The following TBC1D1 variants were observed in gnomAD, a reference collection of about 807,000 sequenced individuals.
TBC1D1 encodes TBC1 domain family member 1, also known as TBC1 (tre-2/USP6, BUB2, cdc16) domain family, member 1.
Under a neutral mutation model 125.6 loss-of-function variants are expected in TBC1D1, and 89 were observed. That is an observed-to-expected ratio of 0.71 (90% CI 0.60 to 0.85). The LOEUF (loss-of-function observed/expected upper bound fraction) is 0.85, where lower values mean the gene tolerates loss of function less well. TBC1D1 is among the 40% of genes least tolerant of loss of function. The pLI is 0.00. For missense variants in TBC1D1, 1,377 were observed against 1,469.2 expected (o/e 0.94, Z 1.03); for synonymous variants, 565 against 564.1 (o/e 1.00, Z -0.02).
intron 8 of TBC1D1, among the ~76,000 whole-genome samples, chr4:38,039,327 C>T (rs769504123): frequency 6.6e-5 from 10 of 151,730 alleles, no homozygotes; most frequent in African/African-American, 1.5e-4. Flanking sequence ...CCGTGTTAGC[C>T]GTGATGGTCT....
chr4:38,102,928 C>A, intron 14 of TBC1D1, 71 bp from the exon 17 acceptor site: 149 of 1,344,938 alleles, frequency 1.1e-4, no homozygotes, highest in South Asian at 5.7e-4. Context: ...GAACATGAAA[C>A]ACAATTCATT....
At position 38,033,740 on chromosome 4, in the gene TBC1D1, TGC is replaced by T. The variant is rs145385918; in HGVS notation, c.1303-1847_1303-1846del. ...CCTCCTCCCTAATCCTTGATCTTTT[TGC>T]TCTCTCCATAGTTTTGCCTTTTCCA... On this transcript the variant is annotated intron_variant, in intron 7 of 19. Transcript: ENST00000261439. 8.9e-3 allele frequency among the ~76,000 whole-genome samples: 1,361 copies of T among 152,320 alleles called. 19 individuals are homozygous for T. Among genetic ancestry groups the T allele is most frequent in the African/African-American group, 0.031 (1,294 of 41,552 alleles).
intron 19 of TBC1D1, among the ~76,000 whole-genome samples, chr4:38,135,013 G>C (rs139410181): frequency 2.0e-5 from 3 of 152,276 alleles, no homozygotes; most frequent in African/African-American, 7.2e-5. Flanking sequence ...GGATTGTATT[G>C]TATCGATTTG....
chr4:38,020,307 A>G (rs566130099), intron 4 of TBC1D1, among the ~76,000 whole-genome samples: 5 of 152,214 alleles, frequency 3.3e-5, no homozygotes, highest in African/African-American at 9.6e-5. Flanking sequence ...GTGAAACACC[A>G]TATCTACTAA....
intron 18 of TBC1D1, among the ~76,000 whole-genome samples, chr4:38,126,272 G>A (rs902731600): frequency 6.6e-6 from 1 of 152,128 alleles, no homozygotes; most frequent in African/African-American, 2.4e-5. Flanking sequence ...TATGCAGTTC[G>A]CCATTGACCA....
In TBC1D1 at chr4:37,895,394, C is replaced by G. The variant is rs16994041; in HGVS notation, c.-94+4046C>G. ...ATGAAGAGTATAAGAAGTGACAGTGCCATTCTAAAGGACTAGCCTTGAGTT... is the reference window on the plus strand; with the variant it reads ...ATGAAGAGTATAAGAAGTGACAGTGGCATTCTAAAGGACTAGCCTTGAGTT... On this transcript the variant is annotated intron_variant, in intron 1 of 19. Transcript: ENST00000261439. 2.5e-3 allele frequency among the ~76,000 whole-genome samples: 379 copies of G among 152,170 alleles called. 1 individual carries two copies. Among genetic ancestry groups the G allele is most frequent in the African/African-American group, 8.7e-3 (360 of 41,566 alleles).
intron 2 of TBC1D1, among the ~76,000 whole-genome samples, chr4:37,963,678 CT>C (rs1158871970): frequency 6.6e-6 from 1 of 152,146 alleles, no homozygotes; most frequent in East Asian, 1.9e-4. Flanking sequence ...CATTTATGTA[CT>C]TACGTACAAA....
intron 11 of TBC1D1, 86 bp from the exon 14 acceptor site, chr4:38,054,113 A>T: frequency 7.3e-7 from 1 of 1,371,072 alleles, no homozygotes; most frequent in Non-Finnish European, 1.0e-6. Context: ...TTGATAATTT[A>T]GTGATTTGTT....
chr4:37,893,414 G>A (rs1335474176), intron 1 of TBC1D1, among the ~76,000 whole-genome samples: 1 of 152,170 alleles, frequency 6.6e-6, no homozygotes, highest in Non-Finnish European at 1.5e-5. Flanking sequence ...AGTCTACCGT[G>A]CTGCCCTTCT....
intron 17 of TBC1D1, 105 bp from the exon 20 acceptor site, chr4:38,124,857 T>C: frequency 2.2e-6 from 2 of 895,254 alleles, no homozygotes; most frequent in Admixed American, 2.3e-5. Context: ...AATGTGGGGC[T>C]ATGTCTCCCA....
rs182368421 is a variant in TBC1D1 at position 37,927,346 on chromosome 4, A to G, written c.417+24834A>G. Among the ~76,000 whole-genome samples the G allele has an allele frequency of 1.8e-4, 27 of 152,238 alleles. 1 individual carries two copies. The highest frequency in any genetic ancestry group is 7.2e-4 in the Admixed American group (11 of 15,282). On this transcript the variant is annotated intron_variant, in intron 2 of 19. Coordinates refer to ENST00000261439, the MANE Select transcript of TBC1D1 (RefSeq NM_015173.4). ...CAATTTTTACAAAATTGATTTTACAATTCTATTTTTTTGTGTGTGCCTTGG... is the reference window on the plus strand; with the variant it reads ...CAATTTTTACAAAATTGATTTTACAGTTCTATTTTTTTGTGTGTGCCTTGG...
chr4:38,110,281 G>T, intron 15 of TBC1D1: 3 of 984,986 alleles, frequency 3.0e-6, no homozygotes, highest in Non-Finnish European at 3.6e-6. Context: ...TGAGGGGCTT[G>T]TGAAAAACAC....
intron 17 of TBC1D1, among the ~76,000 whole-genome samples, chr4:38,124,140 A>C (rs994639917): frequency 1.3e-5 from 2 of 152,158 alleles, no homozygotes; most frequent in Non-Finnish European, 2.9e-5. Flanking sequence ...TTATTATTCT[A>C]GTTATTAGGT....
At chr4:38,052,785 C>T (rs913038533) in intron 11 of TBC1D1, among the ~76,000 whole-genome samples, 2 of 148,372 alleles carry the variant, frequency 1.3e-5, no homozygotes, top group African/African-American at 4.9e-5. Flanking sequence ...TGTGTTTGAT[C>T]ATGTACACTG....
chr4:38,068,082 G>C (rs1560728655), intron 12 of TBC1D1, among the ~76,000 whole-genome samples: 3 of 152,144 alleles, frequency 2.0e-5, no homozygotes, highest in Non-Finnish European at 4.4e-5. Context: ...CTGTTCTTCT[G>C]CTTCCTCTGC....
chr4:38,052,724 GCGCGCACACACACACA>G (rs1246665313), intron 11 of TBC1D1, among the ~76,000 whole-genome samples: 3 of 60,008 alleles, frequency 5.0e-5, no homozygotes, highest in African/African-American at 1.7e-4. Context: ...GCGCGCGCGC[GCGCGCACACACACACA>G]CACACACACA....
chr4:37,999,282 G>T (rs1014755449), intron 2 of TBC1D1, among the ~76,000 whole-genome samples: 44 of 152,080 alleles, frequency 2.9e-4, no homozygotes, highest in African/African-American at 9.9e-4. Flanking sequence ...AAAGAAAGTG[G>T]AAGGGTTTTA....
At chr4:38,035,315 A>G (rs937974663) in intron 7 of TBC1D1, among the ~76,000 whole-genome samples, 3 of 152,136 alleles carry the variant, frequency 2.0e-5, no homozygotes, top group Non-Finnish European at 2.9e-5. Flanking sequence ...AAAACTATTT[A>G]TTTGTTAAAC....
chr4:38,028,739 C>T (rs922935218), intron 7 of TBC1D1, among the ~76,000 whole-genome samples: 1 of 152,206 alleles, frequency 6.6e-6, no homozygotes, highest in Non-Finnish European at 1.5e-5. Flanking sequence ...GCCTCTGGTC[C>T]GCATGTACTC....
Sources: allele counts gnomAD v4.1 joint callset (sites outside exome capture counted in the v4.1 genomes callset), GRCh38; gene constraint gnomAD v4.1.1; transcripts MANE v1.5; gene names NCBI Gene and HGNC (gene_info 2026-07-23, HGNC 2026-07-21).